NQO1: variants seen among roughly 807,000 people sequenced by gnomAD.
NQO1 encodes the protein NAD(P)H dehydrogenase [quinone] 1.
NQO1 carries 30 observed loss-of-function variants against 32.1 expected under a neutral mutation model. That is an observed-to-expected ratio of 0.94 (90% CI 0.70 to 1.27). The LOEUF (loss-of-function observed/expected upper bound fraction) is 1.27. Ranked by LOEUF, NQO1 falls within the 50% of genes most tolerant of loss-of-function variation. The pLI, the probability that NQO1 is intolerant of heterozygous loss-of-function variation, is 0.00. For synonymous variants in NQO1, 109 were observed against 119.7 expected, an observed-to-expected ratio of 0.91 and a Z score of 0.59; for missense variants, 276 against 331.3, an observed-to-expected ratio of 0.83 and a Z score of 1.30.
At chr16:69,721,008 G>A (rs560177052) in intron 1 of NQO1, among the ~76,000 whole-genome samples, 1 of 151,392 alleles carries the variant, frequency 6.6e-6, no homozygotes, top group East Asian at 1.9e-4. Context: ...AGCCTCCTGA[G>A]TAGCTGATAC....
In NQO1 at chr16:69,713,095, C is replaced by T; in HGVS notation, c.452G>A (p.Gly151Asp). The T allele has an allele frequency of 6.2e-7, 1 of 1,614,070 alleles. No homozygotes were observed. Among genetic ancestry groups the T allele is most frequent in the Non-Finnish European group, 8.5e-7 (1 of 1,179,960 alleles). The change falls in exon 5 of 6, where the codon GGC (glycine) becomes GAC (aspartate). Residue 151 changes from glycine to aspartate, a missense_variant. Physicochemically the swap from Gly to Asp is moderately conservative, Grantham distance 94. Transcript: ENST00000320623. ...TTGCAGAGAGTACATGGAGCCACTG[C>T]CACCAGTGGTGATGGAAAGCACTGC... ...KKAVLSITTG[G>D]SGSMYSLQGI...
At position 69,718,550 on chromosome 16, in the gene NQO1, C is replaced by G; in HGVS notation, c.8-16G>C. On this transcript the variant is annotated splice_polypyrimidine_tract_variant and intron_variant, in intron 1 of 5. Transcript: ENST00000320623. ...GCTCTTCTGCCTACAGAGACACACACAAAGCACACACGGAAAACCCATTAC... is the reference window on the plus strand; with the variant it reads ...GCTCTTCTGCCTACAGAGACACACAGAAAGCACACACGGAAAACCCATTAC... The G allele has an allele frequency of 6.2e-7, 1 of 1,612,154 alleles. No homozygotes were observed. The highest frequency in any genetic ancestry group is 8.5e-7 in the Non-Finnish European group (1 of 1,179,354).
intron 1 of NQO1, among the ~76,000 whole-genome samples, chr16:69,720,876 C>CT (rs996763385): frequency 2.0e-5 from 3 of 150,812 alleles, no homozygotes; most frequent in Non-Finnish European, 3.0e-5. Flanking sequence ...CTTTGCATTC[C>CT]TTTTTTTTCT....
At chr16:69,722,000 CAGTG>C (rs1188053036) in intron 1 of NQO1, among the ~76,000 whole-genome samples, 2 of 151,996 alleles carry the variant, frequency 1.3e-5, no homozygotes, top group East Asian at 3.9e-4. Flanking sequence ...GACTTACAAA[CAGTG>C]AGAAATACAA....
At chr16:69,713,202 G>T in intron 4 of NQO1, 73 bp from the exon 5 acceptor site, 1 of 1,107,554 alleles carries the variant, frequency 9.0e-7, no homozygotes, top group South Asian at 1.3e-5. Flanking sequence ...TAATGAAACA[G>T]CTCCAGGGAA....
Position 69,726,502 on chromosome 16 carries a change from G to A in NQO1, c.-63C>T, listed in dbSNP as rs1037870522. ...CGTGGTTGCCGGGGCGACCCTGGCC[G>A]GAACTAGGCTCTCGGTGAGCTGGGC... On this transcript the variant is annotated 5_prime_UTR_variant, in exon 1 of 6. Transcript: ENST00000320623. The A allele has an allele frequency of 1.3e-6, 2 of 1,590,794 alleles. No homozygotes were observed. Among genetic ancestry groups the A allele is most frequent in the Admixed American group, 1.8e-5 (1 of 56,680 alleles).
Position 69,715,011 on chromosome 16 carries a change from C to T in NQO1, c.370G>A (p.Glu124Lys). 6.2e-7 allele frequency: 1 copy of T among 1,613,816 alleles called. No individual in the cohort carries two copies. Among genetic ancestry groups the T allele is most frequent in the Non-Finnish European group, 8.5e-7 (1 of 1,179,902 alleles). The change falls in exon 4 of 6, where the codon GAG becomes AAG. Residue 124 changes from glutamate to lysine, a missense_variant. Physicochemically the swap from Glu to Lys is moderately conservative, Grantham distance 56. Coordinates refer to ENST00000320623, the MANE Select transcript of NQO1 (RefSeq NM_000903.3). Reference sequence around the variant, plus strand: ...ATGGCAGCGTAAGTGTAAGCAAACTCTCCTATGAACACTCGCTCAAACCAG... The same window carrying T: ...ATGGCAGCGTAAGTGTAAGCAAACTTTCCTATGAACACTCGCTCAAACCAG... ...KGWFERVFIG[E>K]FAYTYAAMYD...
chr16:69,718,458 C>A lies in NQO1; in HGVS notation c.84G>T (p.Ala28=). 6.2e-7 allele frequency: 1 copy of A among 1,614,130 alleles called. No homozygotes were observed. Residue 28 remains alanine, a synonymous_variant, in exon 2 of 6, where the codon GCG becomes GCT. Transcript: ENST00000320623. Reference sequence around the variant, plus strand: ...CCTCCCATCCTTTCTTCTTCAAAGCCGCTGCAGCAGCCTCCTTCATGGCAT... The same window carrying A: ...CCTCCCATCCTTTCTTCTTCAAAGCAGCTGCAGCAGCCTCCTTCATGGCAT... ...FNYAMKEAAA[A]ALKKKGWEVV...
Position 69,718,431 on chromosome 16 carries a change from C to T in NQO1, c.111G>A (p.Val37=), listed in dbSNP as rs1444716261. Residue 37 remains valine (V), a synonymous_variant, in exon 2 of 6, where the codon GTG becomes GTA. Transcript: ENST00000320623. ...AAALKKKGWE[V]VESDLYAMNF... ...TCATGGCATAGAGGTCCGACTCCACCACCTCCCATCCTTTCTTCTTCAAAG... is the reference window on the plus strand; with the variant it reads ...TCATGGCATAGAGGTCCGACTCCACTACCTCCCATCCTTTCTTCTTCAAAG... The T allele has an allele frequency of 1.2e-6, 2 of 1,614,132 alleles. No homozygotes were observed. The highest frequency in any genetic ancestry group is 1.7e-6 in the Non-Finnish European group (2 of 1,180,028).
At chr16:69,711,716 C>T (rs1315840971) in intron 5 of NQO1, among the ~76,000 whole-genome samples, 2 of 150,972 alleles carry the variant, frequency 1.3e-5, no homozygotes, top group East Asian at 1.9e-4. Context: ...TGCCATGGCA[C>T]GATCTCGGCT....
Position 69,710,665 on chromosome 16 carries a change from C to T in NQO1, c.*311G>A, listed in dbSNP as rs769595480. ...TGAATGATACCTAGCCAAACTGTAC[C>T]CTAAAACTTTAGCCCTAAAAAGAGG... On this transcript the variant is annotated 3_prime_UTR_variant, in exon 6 of 6. Transcript: ENST00000320623. 62 of 311,312 alleles carry T rather than the reference C, an allele frequency of 2.0e-4. No individual in the cohort carries two copies. Among genetic ancestry groups the T allele is most frequent in the Non-Finnish European group, 3.0e-4 (51 of 167,932 alleles). The allele number at this position is 311,312 out of a possible 1,614,324, so 19.3% of individuals were successfully genotyped here. A position where few individuals can be genotyped will look rare whatever the true frequency, so the allele number is the denominator to read the frequency against.
intron 4 of NQO1, 119 bp downstream of exon 4, chr16:69,714,845 C>T (rs1422764442): frequency 4.2e-6 from 3 of 716,242 alleles, no homozygotes; most frequent in South Asian, 1.5e-5. Flanking sequence ...CGCCACTGCA[C>T]TCCAGCCTGG....
chr16:69,717,091 A>G (rs902745250), intron 3 of NQO1, among the ~76,000 whole-genome samples: 53 of 151,126 alleles, frequency 3.5e-4, no homozygotes, highest in South Asian at 6.3e-4. Context: ...AAAAAAAAAA[A>G]AGAGAGAGAG....
intron 1 of NQO1, among the ~76,000 whole-genome samples, chr16:69,723,972 C>G (rs936024380): frequency 2.0e-5 from 3 of 152,058 alleles, no homozygotes; most frequent in Non-Finnish European, 4.4e-5. Flanking sequence ...CACGGATAAC[C>G]TCTTCAGGGT....
chr16:69,718,120 T>C lies in NQO1; in HGVS notation c.303+3A>G, dbSNP rs749241060. On this transcript the variant is annotated splice_donor_region_variant and intron_variant, in intron 3 of 5. Transcript: ENST00000320623. ...TGACACCCCTTCCGATGTCCCCCCATACCTGGAATATCACAAGGTCTGCGG... is the reference window on the plus strand; with the variant it reads ...TGACACCCCTTCCGATGTCCCCCCACACCTGGAATATCACAAGGTCTGCGG... 2 of 1,613,842 alleles carry C rather than the reference T, an allele frequency of 1.2e-6. No homozygotes were observed. Among genetic ancestry groups the C allele is most frequent in the Non-Finnish European group, 1.7e-6 (2 of 1,179,884 alleles).
Position 69,709,935 on chromosome 16 carries a change from T to G in NQO1, c.*1041A>C, listed in dbSNP as rs2038016124. ...TAGATCAGAAATAAAGTATTTTTTG[T>G]GGAAGACTATTTTTAAGTATTGAAG... On this transcript the variant is annotated 3_prime_UTR_variant, in exon 6 of 6. Transcript: ENST00000320623. 3 of 397,570 alleles carry G rather than the reference T, an allele frequency of 7.5e-6. No individual in the cohort carries two copies. Among genetic ancestry groups the G allele is most frequent in the South Asian group, 2.6e-4 (2 of 7,668 alleles). 24.6% of individuals were successfully genotyped at this position (397,570 alleles called of 1,614,324 possible).
At chr16:69,719,421 C>G (rs944331726) in intron 1 of NQO1, among the ~76,000 whole-genome samples, 1 of 152,266 alleles carries the variant, frequency 6.6e-6, no homozygotes, top group East Asian at 1.9e-4. Flanking sequence ...ACCTGATTGT[C>G]TATGGGGAAC....
Position 69,711,139 on chromosome 16 carries a change from AGTG to A in NQO1, c.659_661del (p.Pro220del), listed in dbSNP as rs1381291496. ...AAAGAGGCTGCTTGGAGCAAAATAC[AGTG>A]GTGTCTCATCCCAAATATTCTCCAG... On this transcript the variant is annotated inframe_deletion, in exon 6 of 6. Transcript: ENST00000320623. 4.3e-6 allele frequency: 7 copies of A among 1,614,196 alleles called. No homozygotes were observed. Among genetic ancestry groups the A allele is most frequent in the Non-Finnish European group, 5.9e-6 (7 of 1,180,036 alleles).
chr16:69,717,829 T>C (rs2038134187), intron 3 of NQO1, among the ~76,000 whole-genome samples: 1 of 152,196 alleles, frequency 6.6e-6, no homozygotes, highest in Non-Finnish European at 1.5e-5. Context: ...GTCAGGATGG[T>C]CTTGGTCTCT....
Sources: gnomAD v4.1 joint callset for allele counts (sites outside exome capture counted in the v4.1 genomes callset) on GRCh38, gnomAD v4.1.1 for gene constraint, MANE v1.5 for transcripts, NCBI Gene and HGNC (gene_info 2026-07-23, HGNC 2026-07-21) for gene names.